The following ZNF438 variants were observed in gnomAD, a reference collection of about 807,000 sequenced individuals.
ZNF438 encodes the protein zinc finger protein 438.
ZNF438 carries 25 observed loss-of-function variants against 38.0 expected under a neutral mutation model. That is an observed-to-expected ratio of 0.66 (90% confidence interval 0.48 to 0.92). The LOEUF is 0.92. Ranked by LOEUF, ZNF438 falls within the 40% of genes least tolerant of loss-of-function variation. The pLI, the probability that ZNF438 is intolerant of heterozygous loss-of-function variation, is 0.00. For synonymous variants in ZNF438, 372 were observed against 364.1 expected (o/e 1.02, Z -0.25); for missense variants, 1,007 against 999.6 (o/e 1.01, Z -0.10).
chr10:30,863,255 G>A (rs995232993), intron 4 of ZNF438, among the ~76,000 whole-genome samples: 1 of 152,108 alleles, frequency 6.6e-6, no homozygotes. Flanking sequence ...TTAACATAGA[G>A]AGACCATCTA....
At chr10:30,871,953 C>A (rs974998354) in intron 4 of ZNF438, among the ~76,000 whole-genome samples, 1 of 152,172 alleles carries the variant, frequency 6.6e-6, no homozygotes, top group Admixed American at 6.5e-5. Context: ...AAATAACACT[C>A]ACAATTTGAA....
At chr10:30,922,562 G>A (rs113335742) in intron 2 of ZNF438, among the ~76,000 whole-genome samples, 3,088 of 152,252 alleles carry the variant, frequency 0.02, 54 homozygotes, top group South Asian at 0.066. Context: ...AGCCAGAAGC[G>A]GTGGCTCACG....
intron 3 of ZNF438, among the ~76,000 whole-genome samples, chr10:30,879,191 T>C (rs1028220273): frequency 2.0e-5 from 3 of 152,068 alleles, no homozygotes; most frequent in Non-Finnish European, 2.9e-5. Context: ...AACGGGAATA[T>C]TGCCTGTTCC....
intron 1 of ZNF438, among the ~76,000 whole-genome samples, chr10:31,010,463 C>T (rs1357926335): frequency 1.3e-5 from 2 of 152,034 alleles, no homozygotes; most frequent in Non-Finnish European, 2.9e-5. Context: ...CCTAAGTGGC[C>T]CATGGAAACT....
chr10:30,857,567 T>A, intron 4 of ZNF438: 2 of 866,208 alleles, frequency 2.3e-6, no homozygotes, highest in Non-Finnish European at 3.5e-6. Context: ...AAATTTCTAT[T>A]ACCATTAAAT....
At chr10:30,948,623 T>A (rs1440182579) in intron 1 of ZNF438, among the ~76,000 whole-genome samples, 1 of 150,386 alleles carries the variant, frequency 6.6e-6, no homozygotes. Flanking sequence ...CAGGAGCCGA[T>A]GCGATCAACT....
chr10:31,007,916 G>C (rs2133003802), intron 1 of ZNF438, among the ~76,000 whole-genome samples: 1 of 152,222 alleles, frequency 6.6e-6, no homozygotes, highest in South Asian at 2.1e-4. Flanking sequence ...CAAAATGAGG[G>C]GGGACTAGAT....
chr10:30,943,110 G>A (rs2934635), intron 1 of ZNF438, among the ~76,000 whole-genome samples: 19,153 of 152,092 alleles, frequency 0.13, 1,606 homozygotes, highest in Middle Eastern at 0.24. Context: ...TTTGTCATTG[G>A]TGCTGTTTTT....
intron 1 of ZNF438, among the ~76,000 whole-genome samples, chr10:30,962,233 T>C (rs1238865690): frequency 6.8e-6 from 1 of 147,086 alleles, no homozygotes; most frequent in Non-Finnish European, 1.5e-5. Flanking sequence ...ATTTTAGATA[T>C]AAGCTTCAGC....
chr10:31,014,691 T>C (rs1459563182), intron 1 of ZNF438, among the ~76,000 whole-genome samples: 2 of 152,252 alleles, frequency 1.3e-5, no homozygotes, highest in South Asian at 2.1e-4. Context: ...AGTGCCTCAC[T>C]TGCCTTATCT....
intron 1 of ZNF438, among the ~76,000 whole-genome samples, chr10:31,007,154 C>T (rs2055215025): frequency 6.6e-6 from 1 of 152,110 alleles, no homozygotes; most frequent in African/African-American, 2.4e-5. Flanking sequence ...ATTGACCTCC[C>T]CTAAGCCTTC....
At chr10:31,014,124 G>C (rs1250287424) in intron 1 of ZNF438, among the ~76,000 whole-genome samples, 1 of 151,662 alleles carries the variant, frequency 6.6e-6, no homozygotes, top group East Asian at 1.9e-4. Flanking sequence ...CCACTTTTTT[G>C]GTCCCTTCTT....
At chr10:30,881,935 C>T (rs2039314840) in intron 3 of ZNF438, among the ~76,000 whole-genome samples, 1 of 152,044 alleles carries the variant, frequency 6.6e-6, no homozygotes, top group Admixed American at 6.6e-5. Flanking sequence ...CATCATATAC[C>T]CAAATGTAAA....
exon 6 of ZNF438, chr10:30,845,311 C>G (rs755884330): frequency 1.2e-6 from 2 of 1,614,142 alleles, no homozygotes; most frequent in South Asian, 2.2e-5. Context: ...GAGGAATGAA[C>G]CTTCTCCGGC....
chr10:30,955,475 T>C (rs931541766), intron 1 of ZNF438, among the ~76,000 whole-genome samples: 4 of 152,200 alleles, frequency 2.6e-5, no homozygotes, highest in African/African-American at 7.2e-5. Flanking sequence ...CCACTTTCTA[T>C]CTCCACGAAA....
chr10:30,916,940 A>G (rs1248183318), intron 2 of ZNF438, among the ~76,000 whole-genome samples: 1 of 152,096 alleles, frequency 6.6e-6, no homozygotes, highest in Non-Finnish European at 1.5e-5. Flanking sequence ...TTGCCAATCT[A>G]ATGGACATAA....
chr10:30,900,126 C>T (rs1434371970), intron 3 of ZNF438, among the ~76,000 whole-genome samples: 2 of 151,980 alleles, frequency 1.3e-5, no homozygotes, highest in African/African-American at 4.8e-5. Flanking sequence ...CAGCTACAAG[C>T]AATATATAAG....
intron 1 of ZNF438, among the ~76,000 whole-genome samples, chr10:30,988,812 A>G (rs966842504): frequency 7.9e-5 from 12 of 152,216 alleles, no homozygotes; most frequent in African/African-American, 2.9e-4. Flanking sequence ...TTTTGGCAAT[A>G]AACAGTTAAC....
chr10:30,895,100 C>T (rs1449327974), intron 3 of ZNF438, among the ~76,000 whole-genome samples: 3 of 152,046 alleles, frequency 2.0e-5, no homozygotes, highest in African/African-American at 7.2e-5. Context: ...CCATTTTTTT[C>T]TTGCAAGGAT....
Sources: gnomAD v4.1 joint callset for allele counts (sites outside exome capture counted in the v4.1 genomes callset) on GRCh38, gnomAD v4.1.1 for gene constraint, MANE v1.5 for transcripts, NCBI Gene and HGNC (gene_info 2026-07-23, HGNC 2026-07-21) for gene names.